APBA1: variants seen among roughly 807,000 people sequenced by gnomAD.
The protein encoded by APBA1 is amyloid-beta A4 precursor protein-binding family A member 1.
APBA1 carries 55 observed loss-of-function variants against 86.6 expected under a neutral mutation model. The ratio of observed to expected loss-of-function variants is 0.64; its 90% confidence interval spans 0.51 to 0.80. The LOEUF is 0.80. APBA1 is among the 30% of genes least tolerant of loss of function. The pLI, the probability that APBA1 is intolerant of heterozygous loss-of-function variation, is 0.00. For synonymous variants in APBA1, 511 were observed against 493.9 expected (o/e 1.03, Z -0.46); for missense variants, 1,090 against 1,183.0 (o/e 0.92, Z 1.15).
At chr9:69,576,259 G>A (rs1821793961) in intron 1 of APBA1, among the ~76,000 whole-genome samples, 1 of 152,292 alleles carries the variant, frequency 6.6e-6, no homozygotes, top group South Asian at 2.1e-4. Flanking sequence ...CACTGTTGGT[G>A]GGACTGTAAA....
intron 2 of APBA1, among the ~76,000 whole-genome samples, chr9:69,505,621 T>TAC (rs745494861): frequency 6.6e-6 from 1 of 152,100 alleles, no homozygotes; most frequent in Non-Finnish European, 1.5e-5. Flanking sequence ...CCCTCCAACT[T>TAC]ACACTGTGTG....
intron 1 of APBA1, among the ~76,000 whole-genome samples, chr9:69,580,849 GT>G (rs1821900803): frequency 1.3e-5 from 2 of 152,140 alleles, no homozygotes; most frequent in Non-Finnish European, 1.5e-5. Context: ...GCTTGACAGG[GT>G]TGTTCTCAAG....
intron 1 of APBA1, among the ~76,000 whole-genome samples, chr9:69,566,462 T>C (rs1052669094): frequency 1.3e-5 from 2 of 152,224 alleles, no homozygotes; most frequent in African/African-American, 2.4e-5. Context: ...CTAGTGCTTA[T>C]TGGTGCTTGG....
chr9:69,658,312 T>TCTCTCTC (rs1564105072), intron 1 of APBA1, among the ~76,000 whole-genome samples: 6,414 of 75,108 alleles, frequency 0.085, 574 homozygotes, highest in Middle Eastern at 0.14. Context: ...CTCTCTTTCT[T>TCTCTCTC]TCTTTCTTTC....
At position 69,672,288 on chromosome 9, in the gene APBA1, C is replaced by T; in HGVS notation, c.-205G>A. 5.9e-6 allele frequency: 1 copy of T among 168,154 alleles called. No homozygotes were observed. The highest frequency in any genetic ancestry group is 1.2e-5 in the Non-Finnish European group (1 of 81,198). 10.4% of individuals were successfully genotyped at this position (168,154 alleles called of 1,614,324 possible). On this transcript the variant is annotated 5_prime_UTR_variant, in exon 1 of 13. Coordinates refer to ENST00000265381, the MANE Select transcript of APBA1 (RefSeq NM_001163.4). Reference sequence around the variant, plus strand: ...CACCATCTTCTCCCGCCGCAGCTGCCGCCGCCGCCGCCGCCGCCGGGACCG... The same window carrying T: ...CACCATCTTCTCCCGCCGCAGCTGCTGCCGCCGCCGCCGCCGCCGGGACCG...
intron 1 of APBA1, among the ~76,000 whole-genome samples, chr9:69,645,107 T>A (rs752331509): frequency 6.6e-6 from 1 of 152,210 alleles, no homozygotes; most frequent in African/African-American, 2.4e-5. Context: ...ATATCCACGA[T>A]AATCCTCAAG....
At chr9:69,659,059 T>C (rs925826810) in intron 1 of APBA1, among the ~76,000 whole-genome samples, 1 of 152,174 alleles carries the variant, frequency 6.6e-6, no homozygotes, top group Non-Finnish European at 1.5e-5. Flanking sequence ...AGCATCTCCT[T>C]AATAGAGCAG....
intron 8 of APBA1, 142 bp from the exon 9 acceptor site, chr9:69,452,443 C>A: frequency 1.3e-6 from 1 of 751,532 alleles, no homozygotes; most frequent in Non-Finnish European, 2.1e-6. Context: ...AGTGGTTCTA[C>A]GTGGGGCTAC....
chr9:69,592,980 C>T (rs148801052), intron 1 of APBA1, among the ~76,000 whole-genome samples: 157 of 152,190 alleles, frequency 1.0e-3, no homozygotes, highest in African/African-American at 3.5e-3. Context: ...AATTAAATGA[C>T]GTAAAATGAT....
intron 1 of APBA1, among the ~76,000 whole-genome samples, chr9:69,625,828 A>G (rs12337204): frequency 0.012 from 1,793 of 152,286 alleles, 19 homozygotes; most frequent in African/African-American, 0.036. Flanking sequence ...AGAGAGCAAC[A>G]TATGTCACTG....
chr9:69,456,181 C>G (rs898394079), intron 8 of APBA1, 66 bp downstream of exon 8: 1 of 1,539,386 alleles, frequency 6.5e-7, no homozygotes, highest in East Asian at 2.2e-5. Flanking sequence ...ATGAATTAGA[C>G]TGAATCAGGT....
chr9:69,467,986 A>G lies in APBA1; in HGVS notation c.1337-18T>C. ...TCCCGGAACTGTAACACATAGAGCC[A>G]CAGTGAGGAAGCCATCCTGGGGTGG... On this transcript the variant is annotated intron_variant, in intron 4 of 12. Transcript: ENST00000265381. The G allele has an allele frequency of 6.2e-7, 1 of 1,611,632 alleles. No homozygotes were observed. The highest frequency in any genetic ancestry group is 8.5e-7 in the Non-Finnish European group (1 of 1,177,988).
At chr9:69,563,767 A>T (rs1836983282) in intron 1 of APBA1, among the ~76,000 whole-genome samples, 1 of 152,166 alleles carries the variant, frequency 6.6e-6, no homozygotes, top group Admixed American at 6.5e-5. Flanking sequence ...ACTCAGACAG[A>T]CAGATGTTTC....
intron 1 of APBA1, among the ~76,000 whole-genome samples, chr9:69,606,233 T>C (rs1191597176): frequency 3.3e-5 from 5 of 152,136 alleles, no homozygotes; most frequent in African/African-American, 4.8e-5. Context: ...AACCCAACTA[T>C]GGCAAATGGC....
intron 1 of APBA1, among the ~76,000 whole-genome samples, chr9:69,559,204 C>T (rs1564077068): frequency 1.3e-5 from 2 of 152,110 alleles, no homozygotes; most frequent in African/African-American, 4.8e-5. Flanking sequence ...ATTAAAAAGT[C>T]TTTATTACAG....
intron 1 of APBA1, among the ~76,000 whole-genome samples, chr9:69,653,552 A>G (rs1379206897): frequency 6.6e-6 from 1 of 152,222 alleles, no homozygotes; most frequent in Non-Finnish European, 1.5e-5. Flanking sequence ...GATAGACCAC[A>G]TGTTAAGTCA....
chr9:69,519,276 A>C (rs562632040), intron 1 of APBA1, among the ~76,000 whole-genome samples: 1 of 152,226 alleles, frequency 6.6e-6, no homozygotes. Flanking sequence ...ATAAGAGTGC[A>C]TGACCTAGAT....
intron 1 of APBA1, among the ~76,000 whole-genome samples, chr9:69,587,541 A>T (rs577584826): frequency 4.8e-4 from 73 of 152,270 alleles, no homozygotes; most frequent in African/African-American, 1.7e-3. Context: ...TGAGAAAATG[A>T]CATTTCTCGG....
In APBA1 at chr9:69,562,658, A is replaced by G. The variant is rs149825626; in HGVS notation, c.-69-45379T>C. 8.5e-3 allele frequency among the ~76,000 whole-genome samples: 1,293 copies of G among 152,268 alleles called. 18 individuals are homozygous for G. Among genetic ancestry groups the G allele is most frequent in the African/African-American group, 0.029 (1,219 of 41,552 alleles). Reference sequence around the variant, plus strand: ...CCAAAGTGCTGGGATTACAGACGTGAGCCACTGTACCCGGCCTGTATTTCT... The same window carrying G: ...CCAAAGTGCTGGGATTACAGACGTGGGCCACTGTACCCGGCCTGTATTTCT... On this transcript the variant is annotated intron_variant, in intron 1 of 12. Transcript: ENST00000265381.
Sources: gnomAD v4.1 joint callset for allele counts (sites outside exome capture counted in the v4.1 genomes callset) on GRCh38, gnomAD v4.1.1 for gene constraint, MANE v1.5 for transcripts, NCBI Gene and HGNC (gene_info 2026-07-23, HGNC 2026-07-21) for gene names.